BMPR1B: variants seen among roughly 807,000 people sequenced by gnomAD.
BMPR1B encodes bone morphogenetic protein receptor type-1B.
In BMPR1B, 12 loss-of-function variants were observed where a neutral mutation model predicts 59.1. The ratio of observed to expected loss-of-function variants is 0.20; its 90% CI spans 0.13 to 0.33. The LOEUF (loss-of-function observed/expected upper bound fraction) is 0.33. Ranked by LOEUF, BMPR1B falls within the 10% of genes least tolerant of loss-of-function variation. The pLI is 1.00. For missense variants in BMPR1B, 550 were observed against 610.9 expected (o/e 0.90, Z 1.05); for synonymous variants, 237 against 207.3 (o/e 1.14, Z -1.23).
chr4:95,046,820 G>C (rs1578986949), intron 3 of BMPR1B, among the ~76,000 whole-genome samples: 1 of 152,188 alleles, frequency 6.6e-6, no homozygotes, highest in African/African-American at 2.4e-5. Context: ...GGCTATCTCA[G>C]TAGAAGAAGA....
intron 3 of BMPR1B, among the ~76,000 whole-genome samples, chr4:95,009,631 A>C (rs971485810): frequency 7.2e-5 from 11 of 152,174 alleles, no homozygotes; most frequent in African/African-American, 2.7e-4. Context: ...TATTTAAGAC[A>C]CAGTTAAGGA....
intron 2 of BMPR1B, among the ~76,000 whole-genome samples, chr4:94,941,142 T>C (rs1218053273): frequency 6.6e-6 from 1 of 152,078 alleles, no homozygotes; most frequent in Non-Finnish European, 1.5e-5. Flanking sequence ...AAAGAAAATA[T>C]GAAGGACGGG....
At chr4:95,021,687 T>C (rs1723990164) in intron 3 of BMPR1B, among the ~76,000 whole-genome samples, 1 of 152,224 alleles carries the variant, frequency 6.6e-6, no homozygotes, top group Non-Finnish European at 1.5e-5. Context: ...TAATATTTTA[T>C]ACATACAAAA....
chr4:95,089,992 A>G (rs1027148501), intron 3 of BMPR1B, among the ~76,000 whole-genome samples: 3 of 152,112 alleles, frequency 2.0e-5, no homozygotes, highest in Non-Finnish European at 4.4e-5. Context: ...CTTGAATACC[A>G]TTCTTCTTTC....
intron 2 of BMPR1B, among the ~76,000 whole-genome samples, 163 bp downstream of exon 2, chr4:94,876,063 A>G (rs898921943): frequency 1.3e-5 from 2 of 152,218 alleles, no homozygotes; most frequent in African/African-American, 2.4e-5. Flanking sequence ...GTAAAAACAC[A>G]TAAGATAAGG....
At chr4:95,083,346 GATCATGGTAAGTACCATA>G (rs1421219608) in intron 3 of BMPR1B, among the ~76,000 whole-genome samples, 11 of 152,080 alleles carry the variant, frequency 7.2e-5, no homozygotes, top group Admixed American at 2.0e-4. Flanking sequence ...GACACAGAAA[GATCATGGTAAGTACCATA>G]ATCATGGTAA....
chr4:95,130,191 A>T (rs1465087405), intron 9 of BMPR1B, 137 bp downstream of exon 9: 2 of 1,043,908 alleles, frequency 1.9e-6, no homozygotes, highest in Non-Finnish European at 2.9e-6. Flanking sequence ...TGGGCCCAAG[A>T]ACATCATAAG....
At chr4:95,016,847 A>G (rs1723619714) in intron 3 of BMPR1B, among the ~76,000 whole-genome samples, 2 of 152,208 alleles carry the variant, frequency 1.3e-5, no homozygotes, top group African/African-American at 4.8e-5. Context: ...ATATGTAACT[A>G]TATAAAGCAA....
rs769948288 is a variant in BMPR1B, at chr4:95,125,042, A to C, written c.506A>C (p.Tyr169Ser). 3.1e-6 allele frequency: 5 copies of C among 1,613,660 alleles called. No individual in the cohort carries two copies. The highest frequency in any genetic ancestry group is 2.2e-5 in the East Asian group (1 of 44,878). The change falls in exon 8 of 13, where the codon TAC becomes TCC. Residue 169 changes from tyrosine (Y) to serine (S), a missense_variant. By Grantham distance (144) the Tyr-to-Ser change is moderately radical. Coordinates refer to ENST00000515059, the MANE Select transcript of BMPR1B (RefSeq NM_001203.3). Reference sequence around the variant, plus strand: ...ATTGGGTTAGAACAGGATGAAACTTACATTCCTCCTGGAGAATCCCTGAGA... The same window carrying C: ...ATTGGGTTAGAACAGGATGAAACTTCCATTCCTCCTGGAGAATCCCTGAGA... ...YSIGLEQDET[Y>S]IPPGESLRDL...
Position 94,990,190 on chromosome 4 carries a change from T to G in BMPR1B, c.-112-5850T>G, listed in dbSNP as rs1721647068. On this transcript the variant is annotated intron_variant, in intron 2 of 12. Coordinates refer to ENST00000515059, the MANE Select transcript of BMPR1B (RefSeq NM_001203.3). Reference sequence around the variant, plus strand: ...GGCCAATATGGTGAAACCTCATCTCTACTAAAAATGTGAAAATTAGCCAGG... The same window carrying G: ...GGCCAATATGGTGAAACCTCATCTCGACTAAAAATGTGAAAATTAGCCAGG... Among the ~76,000 whole-genome samples the G allele has an allele frequency of 2.0e-5, 3 of 152,220 alleles. No individual in the cohort carries two copies. The South Asian group carries it at 6.2e-4, about 32-fold the overall frequency.
intron 3 of BMPR1B, chr4:95,091,538 G>C: frequency 6.1e-6 from 6 of 985,294 alleles, no homozygotes; most frequent in Non-Finnish European, 7.2e-6. Flanking sequence ...GGGCTTTTTA[G>C]TGGAAACCCC....
At chr4:94,789,434 A>C (rs773950328) in intron 1 of BMPR1B, among the ~76,000 whole-genome samples, 9 of 152,134 alleles carry the variant, frequency 5.9e-5, no homozygotes, top group Non-Finnish European at 2.9e-5. Context: ...TCCTTTGAAA[A>C]GTGTCTTGAA....
intron 1 of BMPR1B, among the ~76,000 whole-genome samples, chr4:94,823,629 T>C (rs1724282072): frequency 6.6e-6 from 1 of 152,174 alleles, no homozygotes; most frequent in South Asian, 2.1e-4. Context: ...AAGGCAAAGA[T>C]GTAACCATAC....
At chr4:95,049,455 T>G (rs1202044160) in intron 3 of BMPR1B, among the ~76,000 whole-genome samples, 2 of 59,002 alleles carry the variant, frequency 3.4e-5, no homozygotes, top group Admixed American at 2.1e-4. Flanking sequence ...TTTTTTTTTT[T>G]TTTTTTTTTT....
intron 1 of BMPR1B, among the ~76,000 whole-genome samples, chr4:94,802,524 T>C (rs1461061488): frequency 6.6e-6 from 1 of 152,176 alleles, no homozygotes; most frequent in East Asian, 1.9e-4. Flanking sequence ...GCATTTTTGC[T>C]GAACTTTAAG....
intron 1 of BMPR1B, among the ~76,000 whole-genome samples, chr4:94,770,034 T>C (rs559146809): frequency 6.4e-4 from 98 of 152,300 alleles, no homozygotes; most frequent in African/African-American, 2.1e-3. Context: ...TTATGGGGTA[T>C]GTAGAGTCTT....
intron 6 of BMPR1B, among the ~76,000 whole-genome samples, chr4:95,120,755 C>G (rs776061237): frequency 6.7e-5 from 10 of 150,340 alleles, no homozygotes; most frequent in South Asian, 2.1e-4. Context: ...CTCTTTCTCT[C>G]TCTCTCTCCC....
At chr4:94,959,014 C>A (rs1262706473) in intron 2 of BMPR1B, among the ~76,000 whole-genome samples, 1 of 151,884 alleles carries the variant, frequency 6.6e-6, no homozygotes, top group African/African-American at 2.4e-5. Context: ...TGGAAAAGAG[C>A]CTGAAGTGTG....
intron 1 of BMPR1B, among the ~76,000 whole-genome samples, chr4:94,833,297 A>G (rs1724675649): frequency 6.6e-6 from 1 of 152,130 alleles, no homozygotes; most frequent in South Asian, 2.1e-4. Context: ...AGTCACTGGC[A>G]CATAGTAGAT....
Sources: gnomAD v4.1 joint callset for allele counts (sites outside exome capture counted in the v4.1 genomes callset) on GRCh38, gnomAD v4.1.1 for gene constraint, MANE v1.5 for transcripts, NCBI Gene and HGNC (gene_info 2026-07-23, HGNC 2026-07-21) for gene names.